Variants in CDHR3 observed in about 807,000 individuals in gnomAD.
The protein encoded by CDHR3 is cadherin related family member 3.
A neutral mutation model predicts 86.6 loss-of-function variants in CDHR3; 79 were observed. The ratio of observed to expected loss-of-function variants is 0.91; its 90% confidence interval spans 0.76 to 1.10. The LOEUF (loss-of-function observed/expected upper bound fraction) is 1.10. CDHR3 is among the 50% of genes least tolerant of loss of function. CDHR3 has a pLI of 0.00. For missense variants in CDHR3, 1,081 were observed against 1,077.6 expected, an observed-to-expected ratio of 1.00 and a Z score of -0.04; for synonymous variants, 421 against 402.4, an observed-to-expected ratio of 1.05 and a Z score of -0.55.
chr7:105,991,276 A>G (rs1831316264), intron 4 of CDHR3, among the ~76,000 whole-genome samples: 1 of 152,226 alleles, frequency 6.6e-6, no homozygotes, highest in African/African-American at 2.4e-5. Context: ...AAATGGCCAC[A>G]TGACACAATA....
intron 4 of CDHR3, among the ~76,000 whole-genome samples, chr7:105,985,306 C>A (rs1830368622): frequency 6.6e-6 from 1 of 152,140 alleles, no homozygotes; most frequent in Non-Finnish European, 1.5e-5. Flanking sequence ...GTGGCCTGTG[C>A]ACACACTGCA....
In CDHR3 at chr7:105,996,230, G is replaced by A. The variant is rs374571701; in HGVS notation, c.609-20G>A. The A allele has an allele frequency of 2.5e-4, 348 of 1,390,366 alleles. 7 individuals are homozygous for A. In the South Asian group the frequency reaches 3.1e-3, roughly 12 times the overall value. The allele number at this position is 1,390,366 out of a possible 1,614,324, so 86.1% of individuals were successfully genotyped here. On this transcript the variant is annotated intron_variant, in intron 5 of 18. Transcript: ENST00000317716. ...TGCCAGCAAAGCTTGATTCTCTCACGTGGAATGTTTCCCTGGCAGTTTCCA... is the reference window on the plus strand; with the variant it reads ...TGCCAGCAAAGCTTGATTCTCTCACATGGAATGTTTCCCTGGCAGTTTCCA...
chr7:105,969,782 T>G (rs1022407036), intron 1 of CDHR3, among the ~76,000 whole-genome samples: 2 of 152,210 alleles, frequency 1.3e-5, no homozygotes, highest in African/African-American at 4.8e-5. Flanking sequence ...CTTACTTTCA[T>G]GTTGTTGCTA....
chr7:105,975,444 C>A (rs1413686345), intron 2 of CDHR3, among the ~76,000 whole-genome samples: 1 of 152,146 alleles, frequency 6.6e-6, no homozygotes. Context: ...TCCTATGAGT[C>A]TGATTTTTTC....
intron 1 of CDHR3, among the ~76,000 whole-genome samples, chr7:105,963,980 GC>G (rs1308593999): frequency 6.6e-6 from 1 of 152,122 alleles, no homozygotes; most frequent in Non-Finnish European, 1.5e-5. Context: ...GGTAGTATAT[GC>G]ATAATATATT....
chr7:105,980,921 C>A, intron 2 of CDHR3, 47 bp from the exon 3 acceptor site: 1 of 1,541,374 alleles, frequency 6.5e-7, no homozygotes, highest in African/African-American at 1.4e-5. Flanking sequence ...GCATGCAAAA[C>A]AGATCTTCTT....
At position 106,033,267 on chromosome 7, in the gene CDHR3, T is replaced by C. The variant is rs535347536; in HGVS notation, c.*570T>C. 1 of 153,696 alleles carries C rather than the reference T, an allele frequency of 6.5e-6. No homozygotes were observed. The highest frequency in any genetic ancestry group is 2.4e-5 in the African/African-American group (1 of 41,566). The allele number at this position is 153,696 out of a possible 1,614,324, so 9.5% of individuals were successfully genotyped here. On this transcript the variant is annotated 3_prime_UTR_variant, in exon 19 of 19. Coordinates refer to ENST00000317716, the MANE Select transcript of CDHR3 (RefSeq NM_152750.5). ...AACTCAGTAGGCACCTTCTTTTGTTTTTTCTTGTGGTGTCCGGATCAGCAT... is the reference window on the plus strand; with the variant it reads ...AACTCAGTAGGCACCTTCTTTTGTTCTTTCTTGTGGTGTCCGGATCAGCAT...
rs558039289 is a variant in CDHR3 at position 106,015,031 on chromosome 7, C to A, written c.1225-80C>A. On this transcript the variant is annotated intron_variant, in intron 9 of 18. Coordinates refer to ENST00000317716, the MANE Select transcript of CDHR3 (RefSeq NM_152750.5). Reference sequence around the variant, plus strand: ...TTTTGCCAATTTATATATCCACTAGCAGTATATGAAAATGTCTCTCGCAGC... The same window carrying A: ...TTTTGCCAATTTATATATCCACTAGAAGTATATGAAAATGTCTCTCGCAGC... 5 of 1,107,882 alleles carry A rather than the reference C, an allele frequency of 4.5e-6. No homozygotes were observed. In the East Asian group the frequency reaches 1.3e-4, roughly 29 times the overall value. 68.6% of individuals were successfully genotyped at this position (1,107,882 alleles called of 1,614,324 possible). A position where few individuals can be genotyped will look rare whatever the true frequency, so the allele number is the denominator to read the frequency against.
rs1226302544 is a variant in CDHR3, at chr7:106,035,669, C to T, written c.*2972C>T. On this transcript the variant is annotated 3_prime_UTR_variant, in exon 19 of 19. Transcript: ENST00000317716. The stretch of plus-strand genomic sequence containing the variant: ...TTCCCCTTGGCCACTTCATGCTCAC[C>T]TCATGGAAATGAAGTAGTGGACCAC... 2 of 152,130 alleles carry T rather than the reference C, an allele frequency of 1.3e-5. No individual in the cohort carries two copies. The highest frequency in any genetic ancestry group is 2.9e-5 in the Non-Finnish European group (2 of 68,022). 9.4% of individuals were successfully genotyped at this position (152,130 alleles called of 1,614,324 possible).
intron 1 of CDHR3, among the ~76,000 whole-genome samples, chr7:105,969,167 C>T (rs1259163664): frequency 6.6e-6 from 1 of 150,658 alleles, no homozygotes; most frequent in Non-Finnish European, 1.5e-5. Context: ...GAGGCCGAGG[C>T]GGGCGGATCA....
At chr7:106,014,427 TAATAA>T (rs1247355023) in intron 9 of CDHR3, among the ~76,000 whole-genome samples, 2 of 152,154 alleles carry the variant, frequency 1.3e-5, no homozygotes, top group African/African-American at 4.8e-5. Context: ...TAATAGTGAA[TAATAA>T]AATAGAAAAA....
In CDHR3 at chr7:106,030,360, C is replaced by T. The variant is rs1372671836; in HGVS notation, c.2305-432C>T. Reference sequence around the variant, plus strand: ...GGCCAGAGGTACGGACACCTGGGAGCTCACCTGTGTCCACCTTGACAATGC... The same window carrying T: ...GGCCAGAGGTACGGACACCTGGGAGTTCACCTGTGTCCACCTTGACAATGC... On this transcript the variant is annotated intron_variant, in intron 17 of 18. Transcript: ENST00000317716. The surrounding 1 kb of genome is among the most constrained non-coding windows in gnomAD (Gnocchi z 4.8). Among the ~76,000 whole-genome samples the T allele has an allele frequency of 1.3e-5, 2 of 152,184 alleles. No individual in the cohort carries two copies. Among genetic ancestry groups the T allele is most frequent in the South Asian group, 2.1e-4 (1 of 4,830 alleles).
chr7:105,980,024 C>T (rs540765675), intron 2 of CDHR3, among the ~76,000 whole-genome samples: 1 of 152,276 alleles, frequency 6.6e-6, no homozygotes, highest in Admixed American at 6.5e-5. Context: ...CCCTGTTCCT[C>T]GCATCCCTCC....
intron 1 of CDHR3, 90 bp downstream of exon 1, chr7:105,963,454 C>T: frequency 7.2e-7 from 1 of 1,382,446 alleles, no homozygotes; most frequent in Non-Finnish European, 1.0e-6. Context: ...AAGGAAATTG[C>T]CCCTGGGAGG....
rs1231043438 is a variant in CDHR3, at chr7:106,034,994, G to T, written c.*2297G>T. Among the ~76,000 whole-genome samples the T allele has an allele frequency of 1.3e-5, 2 of 151,796 alleles. No individual in the cohort carries two copies. The highest frequency in any genetic ancestry group is 2.9e-5 in the Non-Finnish European group (2 of 67,982). ...CTCAGGAGGCTGAGGCAAGAGAATCGCTTGAACCCAGGAGGCAGAAGTTGC... is the reference window on the plus strand; with the variant it reads ...CTCAGGAGGCTGAGGCAAGAGAATCTCTTGAACCCAGGAGGCAGAAGTTGC... On this transcript the variant is annotated 3_prime_UTR_variant, in exon 19 of 19. Transcript: ENST00000317716.
At chr7:105,973,927 A>G (rs1468269847) in intron 1 of CDHR3, among the ~76,000 whole-genome samples, 1 of 152,194 alleles carries the variant, frequency 6.6e-6, no homozygotes, top group African/African-American at 2.4e-5. Context: ...AGATCTCACC[A>G]GCCTGGGTGA....
At chr7:106,027,839 T>G (rs1336537510) in intron 16 of CDHR3, among the ~76,000 whole-genome samples, 3 of 151,786 alleles carry the variant, frequency 2.0e-5, no homozygotes, top group African/African-American at 4.8e-5. Context: ...AAAAAGGGGA[T>G]GGGGGCTGGG....
intron 11 of CDHR3, among the ~76,000 whole-genome samples, chr7:106,017,574 C>CACAG (rs1292185913): frequency 6.7e-6 from 1 of 148,274 alleles, no homozygotes; most frequent in Non-Finnish European, 1.5e-5. Context: ...GACACACACA[C>CACAG]ACACACACAC....
In CDHR3 at chr7:105,975,055, C is replaced by A. The variant is rs751404729; in HGVS notation, c.249+9C>A. ...CAGGCACCTACTTTGAGGTAAGTAA[C>A]AACTTACCAACATGAGTGTTGCCTG... On this transcript the variant is annotated intron_variant, in intron 2 of 18. Coordinates refer to ENST00000317716, the MANE Select transcript of CDHR3 (RefSeq NM_152750.5). The A allele has an allele frequency of 1.3e-6, 2 of 1,598,104 alleles. No individual in the cohort carries two copies. Among genetic ancestry groups the A allele is most frequent in the Non-Finnish European group, 1.7e-6 (2 of 1,165,412 alleles).
Sources: gnomAD v4.1 joint callset for allele counts (sites outside exome capture counted in the v4.1 genomes callset) on GRCh38, gnomAD v4.1.1 for gene constraint, Gnocchi (gnomAD v3.1) non-coding constraint, MANE v1.5 for transcripts, NCBI Gene and HGNC (gene_info 2026-07-23, HGNC 2026-07-21) for gene names.